The following SUGP1 variants were observed in gnomAD, a reference collection of about 807,000 sequenced individuals.
SUGP1 encodes SURP and G-patch domain containing 1, also known as SURP and G-patch domain-containing protein 1.
Under a neutral mutation model 76.5 loss-of-function variants are expected in SUGP1, and 34 were observed. That is an observed-to-expected ratio of 0.44 (90% CI 0.34 to 0.59). The LOEUF is 0.59. Ranked by LOEUF, SUGP1 falls within the 20% of genes least tolerant of loss-of-function variation. The probability of loss-of-function intolerance (pLI) is 0.01; values close to 1 mark genes in which losing one functional copy is unlikely to be tolerated. For missense variants in SUGP1, 752 were observed against 851.7 expected, an observed-to-expected ratio of 0.88 and a Z score of 1.46; for synonymous variants, 326 against 326.2, an observed-to-expected ratio of 1.00 and a Z score of 0.01.
intron 3 of SUGP1, among the ~76,000 whole-genome samples, chr19:19,306,746 C>G (rs1248504669): frequency 6.6e-6 from 1 of 152,240 alleles, no homozygotes; most frequent in Non-Finnish European, 1.5e-5. Context: ...GGGTCCCATT[C>G]CTTGCACAGG....
In SUGP1 at chr19:19,304,109, C is replaced by A. The variant is rs1382042147; in HGVS notation, c.539-262G>T. 5 of 1,303,492 alleles carry A rather than the reference C, an allele frequency of 3.8e-6. No individual in the cohort carries two copies. The East Asian group carries it at 1.3e-4, about 33-fold the overall frequency. 80.7% of individuals were successfully genotyped at this position (1,303,492 alleles called of 1,614,324 possible). A position where few individuals can be genotyped will look rare whatever the true frequency, so the allele number is the denominator to read the frequency against. On this transcript the variant is annotated intron_variant, in intron 4 of 13. Coordinates refer to ENST00000247001, the MANE Select transcript of SUGP1 (RefSeq NM_172231.4). ...GGCTGGAAGCTAGCAGAAAATATAT[C>A]CAGCTTCCCCTGGTTTTGGTGGGGG...
chr19:19,280,921 G>C (rs1022084201), intron 8 of SUGP1: 1 of 152,280 alleles, frequency 6.6e-6, no homozygotes, highest in Admixed American at 6.5e-5. Flanking sequence ...ACCACCCCTC[G>C]GGCGGTGCGG....
chr19:19,277,137 G>C, intron 12 of SUGP1, 61 bp from the exon 13 acceptor site: 2 of 1,552,508 alleles, frequency 1.3e-6, no homozygotes, highest in Non-Finnish European at 1.7e-6. Context: ...GGGGGGCCGG[G>C]CACAGCTGGG....
At chr19:19,302,552 A>C (rs2061280335) in intron 6 of SUGP1, 164 bp from the exon 7 acceptor site, 7 of 1,037,120 alleles carry the variant, frequency 6.7e-6, no homozygotes, top group African/African-American at 1.6e-5. Flanking sequence ...GCCAGAATTC[A>C]TAACACACCT....
rs776811528 is a variant in SUGP1 at position 19,303,704 on chromosome 19, C to T, written c.662+20G>A. 1.9e-6 allele frequency: 3 copies of T among 1,614,076 alleles called. No individual in the cohort carries two copies. Among genetic ancestry groups the T allele is most frequent in the East Asian group, 2.2e-5 (1 of 44,890 alleles). On this transcript the variant is annotated intron_variant, in intron 5 of 13. Coordinates refer to ENST00000247001, the MANE Select transcript of SUGP1 (RefSeq NM_172231.4). Reference sequence around the variant, plus strand: ...AAACGCATTCAACAGCACAGCCTTCCCTTCCCCGGAGATACTCACGCAAAT... The same window carrying T: ...AAACGCATTCAACAGCACAGCCTTCTCTTCCCCGGAGATACTCACGCAAAT...
intron 2 of SUGP1, among the ~76,000 whole-genome samples, chr19:19,315,994 G>A (rs967629846): frequency 1.3e-5 from 2 of 152,082 alleles, no homozygotes; most frequent in Non-Finnish European, 2.9e-5. Context: ...ACAATGCCCA[G>A]CTAATTTTTT....
chr19:19,276,901 C>G (rs768053920), intron 13 of SUGP1, 46 bp downstream of exon 13: 1 of 1,607,478 alleles, frequency 6.2e-7, no homozygotes, highest in Non-Finnish European at 8.5e-7. Flanking sequence ...CTACCACCAC[C>G]CTCTCCTGTC....
intron 8 of SUGP1, among the ~76,000 whole-genome samples, chr19:19,288,127 A>C (rs896560995): frequency 6.6e-6 from 1 of 152,212 alleles, no homozygotes; most frequent in East Asian, 1.9e-4. Flanking sequence ...ATTGCACTAC[A>C]GCCTGGGCAA....
At chr19:19,305,713 T>TGAG in intron 4 of SUGP1, 136 bp downstream of exon 4, 1 of 829,768 alleles carries the variant, frequency 1.2e-6, no homozygotes, top group East Asian at 2.7e-5. Flanking sequence ...GGCCTGAGGC[T>TGAG]CAGCTCAGAG....
chr19:19,285,188 T>C (rs975965898), intron 8 of SUGP1, among the ~76,000 whole-genome samples: 2 of 151,518 alleles, frequency 1.3e-5, no homozygotes, highest in African/African-American at 2.4e-5. Context: ...TATTTTGAAA[T>C]GGAGTCTTGC....
At chr19:19,300,239 T>G (rs2061260693) in intron 7 of SUGP1, among the ~76,000 whole-genome samples, 1 of 151,470 alleles carries the variant, frequency 6.6e-6, no homozygotes, top group African/African-American at 2.4e-5. Flanking sequence ...CCATGCCCAG[T>G]TAATTTCTAT....
chr19:19,282,881 T>C (rs544825063), intron 8 of SUGP1, among the ~76,000 whole-genome samples: 2 of 152,098 alleles, frequency 1.3e-5, no homozygotes, highest in African/African-American at 4.8e-5. Flanking sequence ...ATCGAGACCA[T>C]CCTGGCTAAC....
chr19:19,304,092 G>C (rs2061295968), intron 4 of SUGP1: 1 of 1,432,656 alleles, frequency 7.0e-7, no homozygotes. Context: ...CAGGCTGGAA[G>C]CTAGCAGAAA....
chr19:19,282,987 G>A (rs992504705), intron 8 of SUGP1, among the ~76,000 whole-genome samples: 2 of 151,596 alleles, frequency 1.3e-5, no homozygotes, highest in African/African-American at 2.4e-5. Flanking sequence ...TGAAGTAGGA[G>A]AATGGTGTGA....
Position 19,278,717 on chromosome 19 carries a change from C to T in SUGP1, c.1608G>A (p.Lys536=). The T allele has an allele frequency of 6.2e-7, 1 of 1,613,858 alleles. No homozygotes were observed. Among genetic ancestry groups the T allele is most frequent in the African/African-American group, 1.3e-5 (1 of 75,026 alleles). ...GDFLPPDELE[K]FMETFKALKE... ...TCAGGGCCTTGAAGGTCTCCATAAA[C>T]TTTTCCAGCTCGTCTGGAGGCAGGA... The change falls in exon 11 of 14, where the codon AAG becomes AAA. Residue 536 remains lysine, a synonymous_variant. Coordinates refer to ENST00000247001, the MANE Select transcript of SUGP1 (RefSeq NM_172231.4).
chr19:19,305,763 T>C (rs2061311476), intron 4 of SUGP1, 86 bp downstream of exon 4: 2 of 1,378,868 alleles, frequency 1.5e-6, no homozygotes, highest in African/African-American at 2.9e-5. Context: ...CCCATGCCCC[T>C]GGCAGCACTT....
intron 2 of SUGP1, among the ~76,000 whole-genome samples, chr19:19,316,052 T>C (rs2061391877): frequency 6.6e-6 from 1 of 152,110 alleles, no homozygotes. Context: ...AAAGCTGGTC[T>C]CAAACTCCTG....
chr19:19,303,454 G>T lies in SUGP1; in HGVS notation c.663-6C>A, dbSNP rs573356647. 9.0e-5 allele frequency: 145 copies of T among 1,611,958 alleles called. No individual in the cohort carries two copies. Among genetic ancestry groups the T allele is most frequent in the Middle Eastern group, 1.7e-4 (1 of 6,056 alleles). ...TATTCTTATCGTGCAAAAATCTGGA[G>T]AGGAGGAAGTTTGCAGAAGAGAGGG... is the stretch of plus-strand genomic sequence containing the variant. On this transcript the variant is annotated splice_region_variant and splice_polypyrimidine_tract_variant and intron_variant, in intron 5 of 13. Transcript: ENST00000247001.
At chr19:19,305,456 G>A (rs1286612476) in intron 4 of SUGP1, among the ~76,000 whole-genome samples, 1 of 152,250 alleles carries the variant, frequency 6.6e-6, no homozygotes. Flanking sequence ...GGTAACCCAT[G>A]GTGAGGGGCA....
Sources: gnomAD v4.1 joint callset for allele counts (sites outside exome capture counted in the v4.1 genomes callset) on GRCh38, gnomAD v4.1.1 for gene constraint, MANE v1.5 for transcripts, NCBI Gene and HGNC (gene_info 2026-07-23, HGNC 2026-07-21) for gene names.